The following ZFPM2 variants were observed in gnomAD, a reference collection of about 807,000 sequenced individuals.
ZFPM2 encodes the protein zinc finger protein ZFPM2.
In ZFPM2, 20 loss-of-function variants were observed where a neutral mutation model predicts 98.6. That is an observed-to-expected ratio of 0.20 (90% CI 0.14 to 0.29). The LOEUF (loss-of-function observed/expected upper bound fraction) is 0.29. Among genes scored for constraint, ZFPM2 ranks in the 10% least tolerant of loss-of-function variants. The pLI, the probability that ZFPM2 is intolerant of heterozygous loss-of-function variation, is 1.00. For missense variants in ZFPM2, 1,310 were observed against 1,388.6 expected (o/e 0.94, Z 0.90); for synonymous variants, 518 against 502.7 (o/e 1.03, Z -0.41).
At chr8:105,520,014 A>G (rs1769037887) in intron 3 of ZFPM2, among the ~76,000 whole-genome samples, 1 of 152,158 alleles carries the variant, frequency 6.6e-6, no homozygotes, top group Admixed American at 6.5e-5. Flanking sequence ...AATTGTTTTG[A>G]TAACCTGAAT....
intron 4 of ZFPM2, among the ~76,000 whole-genome samples, chr8:105,598,679 T>C (rs1816024667): frequency 6.6e-6 from 1 of 152,174 alleles, no homozygotes; most frequent in African/African-American, 2.4e-5. Flanking sequence ...TTTCTACATT[T>C]GCCTCCTTGT....
chr8:105,442,059 C>T (rs1279497323), intron 2 of ZFPM2, among the ~76,000 whole-genome samples: 2 of 151,882 alleles, frequency 1.3e-5, no homozygotes, highest in Non-Finnish European at 2.9e-5. Flanking sequence ...TGGGGCCGGG[C>T]GCGGTGGCTC....
At chr8:105,425,809 AG>A (rs1563652879) in intron 2 of ZFPM2, among the ~76,000 whole-genome samples, 2 of 152,224 alleles carry the variant, frequency 1.3e-5, no homozygotes, top group Admixed American at 6.5e-5. Flanking sequence ...GTAAAGCAAC[AG>A]AAGTTTTGTC....
chr8:105,769,200 G>A (rs1168299867), intron 5 of ZFPM2, among the ~76,000 whole-genome samples: 3 of 151,888 alleles, frequency 2.0e-5, no homozygotes, highest in Admixed American at 1.3e-4. Flanking sequence ...AAGGAAACAC[G>A]ATCATTTATG....
chr8:105,407,737 C>T (rs1357008050), intron 1 of ZFPM2, among the ~76,000 whole-genome samples: 1 of 151,910 alleles, frequency 6.6e-6, no homozygotes, highest in African/African-American at 2.4e-5. Flanking sequence ...ATTAAATTAA[C>T]ATTGAAATAA....
rs184599637 is a variant in ZFPM2, at chr8:105,398,055, A to T, written c.41-21089A>T. 8.5e-4 allele frequency among the ~76,000 whole-genome samples: 130 copies of T among 152,264 alleles called. 2 individuals are homozygous for T. Among genetic ancestry groups the T allele is most frequent in the South Asian group, 4.6e-3 (22 of 4,826 alleles). On this transcript the variant is annotated intron_variant, in intron 1 of 7. Coordinates refer to ENST00000407775, the MANE Select transcript of ZFPM2 (RefSeq NM_012082.4). ...CCGCAGGTCAATTCATGTATTTTTT[A>T]AAAAAATTATAACAAAAAAAGAGAA...
intron 4 of ZFPM2, among the ~76,000 whole-genome samples, chr8:105,600,550 T>A (rs762141376): frequency 6.6e-6 from 1 of 152,142 alleles, no homozygotes; most frequent in African/African-American, 2.4e-5. Flanking sequence ...TTTCATGAAT[T>A]TGCTAACTTA....
At chr8:105,441,371 CT>C (rs1247221292) in intron 2 of ZFPM2, among the ~76,000 whole-genome samples, 2 of 148,292 alleles carry the variant, frequency 1.3e-5, no homozygotes, top group Non-Finnish European at 3.0e-5. Flanking sequence ...GGTATTCATT[CT>C]GATAATCCGA....
chr8:105,479,461 G>C (rs1240273130), intron 3 of ZFPM2, among the ~76,000 whole-genome samples: 2 of 152,152 alleles, frequency 1.3e-5, no homozygotes, highest in African/African-American at 2.4e-5. Flanking sequence ...TACACAGAAG[G>C]TAGTGGCTCA....
intron 3 of ZFPM2, among the ~76,000 whole-genome samples, chr8:105,525,937 T>C (rs1429864884): frequency 6.6e-6 from 1 of 152,166 alleles, no homozygotes; most frequent in Non-Finnish European, 1.5e-5. Flanking sequence ...GACATATTTT[T>C]ATCAGCTTGC....
intron 5 of ZFPM2, among the ~76,000 whole-genome samples, chr8:105,636,185 G>C (rs1816844106): frequency 6.6e-6 from 1 of 152,052 alleles, no homozygotes; most frequent in Non-Finnish European, 1.5e-5. Context: ...GAAAGATTTT[G>C]GATTTTCTGA....
chr8:105,515,786 G>A (rs190389273), intron 3 of ZFPM2, among the ~76,000 whole-genome samples: 1 of 152,210 alleles, frequency 6.6e-6, no homozygotes, highest in Non-Finnish European at 1.5e-5. Context: ...AGACATTGGG[G>A]AGTAGGGGAG....
At chr8:105,763,615 C>T (rs1019567450) in intron 5 of ZFPM2, among the ~76,000 whole-genome samples, 14 of 151,780 alleles carry the variant, frequency 9.2e-5, no homozygotes, top group African/African-American at 3.1e-4. Context: ...AATCATCTTC[C>T]AATACACAGG....
At position 105,788,671 on chromosome 8, in the gene ZFPM2, C is replaced by G. The variant is rs768363984; in HGVS notation, c.533-47C>G. The G allele has an allele frequency of 5.7e-6, 9 of 1,579,668 alleles. No individual in the cohort carries two copies. In the East Asian group the frequency reaches 2.0e-4, roughly 35 times the overall value. On this transcript the variant is annotated intron_variant, in intron 5 of 7. Coordinates refer to ENST00000407775, the MANE Select transcript of ZFPM2 (RefSeq NM_012082.4). ...ACATCAATCTAGTTTACAACAGACT[C>G]AAGCATCCTATGTCAATTTTATCTT... is the stretch of plus-strand genomic sequence containing the variant.
intron 5 of ZFPM2, among the ~76,000 whole-genome samples, chr8:105,649,349 T>G (rs10111794): frequency 0.48 from 72,717 of 151,808 alleles, 17,698 homozygotes; most frequent in African/African-American, 0.56. Flanking sequence ...ACTTCCTCTT[T>G]TCCTAATTGA....
At chr8:105,734,041 A>G (rs1431381226) in intron 5 of ZFPM2, among the ~76,000 whole-genome samples, 1 of 151,894 alleles carries the variant, frequency 6.6e-6, no homozygotes, top group Non-Finnish European at 1.5e-5. Flanking sequence ...ACGCAAGTCT[A>G]TCATGGTATA....
intron 5 of ZFPM2, among the ~76,000 whole-genome samples, chr8:105,637,566 G>T (rs1816871955): frequency 6.6e-6 from 1 of 151,902 alleles, no homozygotes; most frequent in African/African-American, 2.4e-5. Context: ...TTCTACCTGG[G>T]GTTCAGAGGC....
chr8:105,556,509 A>G (rs1814993896), intron 3 of ZFPM2, among the ~76,000 whole-genome samples: 1 of 152,176 alleles, frequency 6.6e-6, no homozygotes, highest in Admixed American at 6.6e-5. Flanking sequence ...TCAAAGGGTT[A>G]GGTAACTTGC....
chr8:105,611,432 C>A (rs1816305227), intron 4 of ZFPM2, among the ~76,000 whole-genome samples: 1 of 152,060 alleles, frequency 6.6e-6, no homozygotes, highest in South Asian at 2.1e-4. Context: ...TGTTTGTTGG[C>A]TTTATGGTGA....
Sources: gnomAD v4.1 joint callset for allele counts (sites outside exome capture counted in the v4.1 genomes callset) on GRCh38, gnomAD v4.1.1 for gene constraint, MANE v1.5 for transcripts, NCBI Gene and HGNC (gene_info 2026-07-23, HGNC 2026-07-21) for gene names.